Variants in KCNT2 observed in about 807,000 individuals in gnomAD.
KCNT2 encodes the protein potassium channel subfamily T member 2.
Under a neutral mutation model 153.8 loss-of-function variants are expected in KCNT2, and 67 were observed. The observed-to-expected ratio is 0.44, with a 90% confidence interval of 0.36 to 0.53. The LOEUF is 0.53. Ranked by LOEUF, KCNT2 falls within the 20% of genes least tolerant of loss-of-function variation. KCNT2 has a pLI of 0.00. For missense variants in KCNT2, 975 were observed against 1,354.8 expected, an observed-to-expected ratio of 0.72 and a Z score of 4.40; for synonymous variants, 500 against 458.8, an observed-to-expected ratio of 1.09 and a Z score of -1.15.
intron 19 of KCNT2, among the ~76,000 whole-genome samples, chr1:196,325,653 C>T (rs965325190): frequency 6.6e-6 from 1 of 151,980 alleles, no homozygotes; most frequent in Non-Finnish European, 1.5e-5. Context: ...TTTCTGTTCC[C>T]CTTCATTTAC....
At chr1:196,410,080 G>T (rs112879961) in intron 12 of KCNT2, among the ~76,000 whole-genome samples, 8,755 of 151,530 alleles carry the variant, frequency 0.058, 390 homozygotes, top group Non-Finnish European at 0.085. Context: ...ATACTTGTTG[G>T]CCACTTGTAT....
chr1:196,476,010 T>C (rs752832640), intron 5 of KCNT2, among the ~76,000 whole-genome samples: 3 of 152,210 alleles, frequency 2.0e-5, no homozygotes, highest in Non-Finnish European at 4.4e-5. Flanking sequence ...TAAGCAATAA[T>C]TGATTATAAA....
At chr1:196,424,694 C>T (rs1386966668) in intron 11 of KCNT2, among the ~76,000 whole-genome samples, 1 of 150,382 alleles carries the variant, frequency 6.6e-6, no homozygotes, top group African/African-American at 2.4e-5. Flanking sequence ...GAAGTTGAAT[C>T]ATTGAAAAAA....
chr1:196,591,618 A>G (rs1663375146), intron 1 of KCNT2, among the ~76,000 whole-genome samples: 1 of 152,286 alleles, frequency 6.6e-6, no homozygotes, highest in South Asian at 2.1e-4. Flanking sequence ...CTCATAGTAC[A>G]ATCCTTTGTA....
intron 27 of KCNT2, among the ~76,000 whole-genome samples, chr1:196,230,433 T>G (rs765538357): frequency 1.3e-5 from 2 of 152,066 alleles, no homozygotes; most frequent in Non-Finnish European, 2.9e-5. Context: ...AGGCACCTGG[T>G]CACCCAAGAG....
chr1:196,410,712 A>T (rs1672228220), intron 12 of KCNT2, among the ~76,000 whole-genome samples: 1 of 42,172 alleles, frequency 2.4e-5, no homozygotes, highest in Non-Finnish European at 7.9e-5. Flanking sequence ...TCAGTGCTTA[A>T]AAAAAAAAAA....
intron 23 of KCNT2, among the ~76,000 whole-genome samples, chr1:196,282,717 A>G (rs1659233569): frequency 6.6e-6 from 1 of 152,268 alleles, no homozygotes; most frequent in South Asian, 2.1e-4. Flanking sequence ...CAAATTTTCA[A>G]TGAAAAATTT....
chr1:196,516,553 C>T (rs1682071682), intron 1 of KCNT2, among the ~76,000 whole-genome samples: 1 of 152,190 alleles, frequency 6.6e-6, no homozygotes, highest in South Asian at 2.1e-4. Context: ...GCCATTCTTG[C>T]CTTTGGGCTT....
chr1:196,339,520 C>CACAGAGAGAGAGAGAGAGAG (rs1005738965), intron 16 of KCNT2, among the ~76,000 whole-genome samples: 1 of 137,908 alleles, frequency 7.3e-6, no homozygotes, highest in African/African-American at 2.9e-5. Context: ...CACACACACA[C>CACAGAGAGAGAGAGAGAGAG]AGAGAGAGAG....
chr1:196,428,113 T>C lies in KCNT2; in HGVS notation c.976A>G (p.Arg326Gly), dbSNP rs1673813088. Residue 326 changes from arginine to glycine, a missense_variant, in exon 10 of 28, where the codon AGG becomes GGG. Around this residue, in one of 6 missense-constraint regions of KCNT2, gnomAD observed 202 missense variants for 314.9 expected, o/e 0.64. Coordinates refer to ENST00000294725, the MANE Select transcript of KCNT2 (RefSeq NM_198503.5). ...ATATAAGCCAAATGTACCTGGAGCC[T>C]AGGATGAGCATAGAATTCATTTAAA... ...DFLNEFYAHP[R>G]LQDYYVVILC... The C allele has an allele frequency of 1.2e-6, 2 of 1,611,774 alleles. No individual in the cohort carries two copies. The highest frequency in any genetic ancestry group is 1.7e-6 in the Non-Finnish European group (2 of 1,178,474).
At chr1:196,376,647 T>C (rs1382326666) in intron 13 of KCNT2, among the ~76,000 whole-genome samples, 1 of 151,976 alleles carries the variant, frequency 6.6e-6, no homozygotes, top group Non-Finnish European at 1.5e-5. Context: ...TTCCACCTTG[T>C]AAGACTTGAT....
chr1:196,604,755 G>A (rs1212889769), intron 1 of KCNT2, among the ~76,000 whole-genome samples: 6 of 151,242 alleles, frequency 4.0e-5, no homozygotes, highest in Non-Finnish European at 5.9e-5. Flanking sequence ...AATATATGAT[G>A]CATTACATAA....
chr1:196,597,327 CAATAT>C (rs1466849103), intron 1 of KCNT2, among the ~76,000 whole-genome samples: 13 of 149,306 alleles, frequency 8.7e-5, no homozygotes, highest in African/African-American at 2.7e-4. Context: ...ACACTGTACA[CAATAT>C]AATATATCAA....
intron 1 of KCNT2, among the ~76,000 whole-genome samples, chr1:196,550,654 G>A (rs1312413728): frequency 6.6e-6 from 1 of 151,748 alleles, no homozygotes; most frequent in Non-Finnish European, 1.5e-5. Context: ...ACCACTTGCA[G>A]AGGTTCTAAA....
intron 1 of KCNT2, among the ~76,000 whole-genome samples, chr1:196,502,552 A>G (rs1268425299): frequency 2.6e-5 from 4 of 152,188 alleles, no homozygotes; most frequent in Non-Finnish European, 5.9e-5. Flanking sequence ...AACAACTATC[A>G]ATTTCTTTTG....
intron 8 of KCNT2, among the ~76,000 whole-genome samples, chr1:196,464,827 G>C (rs77152348): frequency 0.024 from 3,608 of 151,992 alleles, 152 homozygotes; most frequent in African/African-American, 0.082. Context: ...GCCTTGCACT[G>C]TCCATAAATC....
intron 27 of KCNT2, among the ~76,000 whole-genome samples, chr1:196,234,263 CT>C (rs921404515): frequency 1.6e-4 from 24 of 147,320 alleles, no homozygotes; most frequent in East Asian, 1.6e-3. Flanking sequence ...CATATCATCT[CT>C]TTTTTTTTTA....
chr1:196,442,657 T>C (rs1254548328), intron 8 of KCNT2, among the ~76,000 whole-genome samples: 1 of 151,322 alleles, frequency 6.6e-6, no homozygotes, highest in Non-Finnish European at 1.5e-5. Context: ...GCATTCTAGG[T>C]AGAAGGGAGG....
At chr1:196,557,399 T>A (rs1658822712) in intron 1 of KCNT2, among the ~76,000 whole-genome samples, 2 of 151,314 alleles carry the variant, frequency 1.3e-5, no homozygotes, top group Non-Finnish European at 3.0e-5. Context: ...TAATTTTGAA[T>A]GAGGATTTAA....
Sources: gnomAD v4.1 joint callset for allele counts (sites outside exome capture counted in the v4.1 genomes callset) on GRCh38, gnomAD v4.1.1 for gene constraint, gnomAD v4.1.1 regional missense constraint, MANE v1.5 for transcripts, NCBI Gene and HGNC (gene_info 2026-07-23, HGNC 2026-07-21) for gene names.